The following HOXB3 variants were observed in gnomAD, a reference collection of about 807,000 sequenced individuals.
HOXB3 encodes homeobox B3, also known as homeobox protein Hox-B3.
A neutral mutation model predicts 29.2 loss-of-function variants in HOXB3; 17 were observed. The ratio of observed to expected loss-of-function variants is 0.58; its 90% confidence interval spans 0.40 to 0.87. The LOEUF is 0.87. HOXB3 is among the 40% of genes least tolerant of loss of function. The pLI is 0.00. For synonymous variants in HOXB3, 317 were observed against 285.9 expected, an observed-to-expected ratio of 1.11 and a Z score of -1.10; for missense variants, 637 against 616.3, an observed-to-expected ratio of 1.03 and a Z score of -0.35.
intron 1 of HOXB3, among the ~76,000 whole-genome samples, chr17:48,587,197 A>C (rs2070063691): frequency 6.6e-6 from 1 of 152,066 alleles, no homozygotes; most frequent in South Asian, 2.1e-4. Context: ...AGAAATATCC[A>C]TTCTGCTTAA....
intron 4 of HOXB3, 110 bp downstream of exon 4, chr17:48,551,917 A>T: frequency 1.0e-6 from 1 of 1,000,762 alleles, no homozygotes; most frequent in Non-Finnish European, 1.5e-6. Context: ...CTGGCCACCT[A>T]ATATTGTTCC....
chr17:48,588,644 T>G (rs2070089591), intron 1 of HOXB3, among the ~76,000 whole-genome samples: 1 of 152,186 alleles, frequency 6.6e-6, no homozygotes, highest in Admixed American at 6.5e-5. Context: ...ATATTTTCAG[T>G]GGTGCTGGGG....
intron 1 of HOXB3, chr17:48,579,014 T>C (rs904660952): frequency 5.3e-5 from 8 of 152,192 alleles, no homozygotes; most frequent in African/African-American, 1.7e-4. Flanking sequence ...CAGAGATGAA[T>C]GGAACCGCGG....
intron 2 of HOXB3, among the ~76,000 whole-genome samples, chr17:48,565,001 C>T (rs1292833053): frequency 1.4e-5 from 2 of 140,636 alleles, no homozygotes; most frequent in East Asian, 2.2e-4. Context: ...GGGAAGCATC[C>T]GCTTGTTAAG....
intron 2 of HOXB3, among the ~76,000 whole-genome samples, chr17:48,564,427 C>CCGCCCA (rs1032147434): frequency 6.6e-6 from 1 of 151,880 alleles, no homozygotes; most frequent in Non-Finnish European, 1.5e-5. Context: ...CGCCCCCACC[C>CCGCCCA]CGCCCCCGCC....
In HOXB3 at chr17:48,583,801, T is replaced by A. The variant is rs552693892; in HGVS notation, c.-425+6324A>T. 2.0e-5 allele frequency among the ~76,000 whole-genome samples: 3 copies of A among 152,350 alleles called. No homozygotes were observed. The South Asian group carries it at 6.2e-4, about 32-fold the overall frequency. ...CAGGAATTCCTTCCTGGCCTGACAC[T>A]GCAGAGAAACTCACCTAAGGACTAA... On this transcript the variant is annotated intron_variant, in intron 1 of 4. Transcript: ENST00000498678.
Position 48,550,551 on chromosome 17 carries a change from T to G in HOXB3, c.1079A>C (p.Asp360Ala). 1 of 1,520,036 alleles carries G rather than the reference T, an allele frequency of 6.6e-7. No individual in the cohort carries two copies. Among genetic ancestry groups the G allele is most frequent in the Non-Finnish European group, 8.7e-7 (1 of 1,145,688 alleles). The allele number at this position is 1,520,036 out of a possible 1,614,324, so 94.2% of individuals were successfully genotyped here. Residue 360 changes from aspartate to alanine, a missense_variant, in exon 5 of 5, where the codon GAT becomes GCT. Physicochemically the swap from Asp to Ala is moderately radical, Grantham distance 126. Coordinates refer to ENST00000498678, the MANE Select transcript of HOXB3 (RefSeq NM_001384749.1). ...GGGGCCGGCAGGGGGCGGCAGCGGA[T>G]CCGCGTAGCCGCCCCCGCCCACGTA... ...PVYVGGGGYA[D>A]PLPPPAGPSL...
rs1340147535 is a variant in HOXB3, at chr17:48,552,581, C to CA, written c.-108_-107insT. On this transcript the variant is annotated 5_prime_UTR_variant, in exon 4 of 5. The change creates a premature stop within an existing upstream ORF in the 5' untranslated region. Coordinates refer to ENST00000498678, the MANE Select transcript of HOXB3 (RefSeq NM_001384749.1). ...CACGTGACACGCCGGACCCCCCCCC[C>CA]CCACCTCCCCTCTCTGCCCCCCTCC... is the stretch of plus-strand genomic sequence containing the variant. 3 of 771,952 alleles carry CA rather than the reference C, an allele frequency of 3.9e-6. No homozygotes were observed. Among genetic ancestry groups the CA allele is most frequent in the East Asian group, 5.7e-5 (2 of 34,808 alleles). The allele number at this position is 771,952 out of a possible 1,614,324, so 47.8% of individuals were successfully genotyped here. A position where few individuals can be genotyped will look rare whatever the true frequency, so the allele number is the denominator to read the frequency against.
At chr17:48,561,183 AACAC>A (rs530713063) in intron 2 of HOXB3, among the ~76,000 whole-genome samples, 6,692 of 125,408 alleles carry the variant, frequency 0.053, 188 homozygotes, top group South Asian at 0.094. Context: ...TCCGTCTCAA[AACAC>A]ACACACACAC....
At position 48,554,826 on chromosome 17, in the gene HOXB3, G is replaced by A. The variant is rs928353088; in HGVS notation, c.-159+705C>T. 6 of 702,250 alleles carry A rather than the reference G, an allele frequency of 8.5e-6. No individual in the cohort carries two copies. The African/African-American group carries it at 1.0e-4, about 12-fold the overall frequency. 43.5% of individuals were successfully genotyped at this position (702,250 alleles called of 1,614,324 possible). On this transcript the variant is annotated intron_variant, in intron 3 of 4. Transcript: ENST00000498678. The surrounding 1 kb of genome is among the most constrained non-coding windows in gnomAD (Gnocchi z 4.1). ...ACTTTGCTCAGCAGGGCTCCGGGTT[G>A]GAGGGCGCCGAGGCCTGGCGGACGG... is the stretch of plus-strand genomic sequence containing the variant.
At position 48,551,038 on chromosome 17, in the gene HOXB3, C is replaced by T; in HGVS notation, c.592G>A (p.Ala198Thr). ...SKRARTAYTS[A>T]QLVELEKEFH... is the part of the protein sequence containing the mutation. The stretch of plus-strand genomic sequence containing the variant: ...TCCTTCTCCAGCTCCACCAGCTGCG[C>T]GCTCGTGTACGCCGTCCGCGCCCGC... The change falls in exon 5 of 5, where the codon GCG (alanine) becomes ACG (threonine). Residue 198 changes from alanine to threonine, a missense_variant. Physicochemically the swap from Ala to Thr is moderately conservative, Grantham distance 58. Transcript: ENST00000498678. 6.2e-7 allele frequency: 1 copy of T among 1,607,726 alleles called. No individual in the cohort carries two copies. The highest frequency in any genetic ancestry group is 8.5e-7 in the Non-Finnish European group (1 of 1,175,850).
chr17:48,580,898 G>A (rs1422816984), intron 1 of HOXB3: 2 of 152,180 alleles, frequency 1.3e-5, no homozygotes, highest in African/African-American at 4.8e-5. Context: ...CAGAAGCCGT[G>A]AATTTACTAA....
At chr17:48,574,853 C>T (rs899766324) in intron 1 of HOXB3, among the ~76,000 whole-genome samples, 32 of 152,202 alleles carry the variant, frequency 2.1e-4, no homozygotes, top group African/African-American at 7.5e-4. Flanking sequence ...AAAATTAATA[C>T]TGGAGCAAGG....
Position 48,550,553 on chromosome 17 carries a change from C to A in HOXB3, c.1077G>T (p.Ala359=). The A allele has an allele frequency of 6.6e-7, 1 of 1,523,196 alleles. No homozygotes were observed. Among genetic ancestry groups the A allele is most frequent in the South Asian group, 1.3e-5 (1 of 75,782 alleles). The allele number at this position is 1,523,196 out of a possible 1,614,324, so 94.4% of individuals were successfully genotyped here. Residue 359 remains alanine (A), a synonymous_variant, in exon 5 of 5, where the codon GCG becomes GCT. Coordinates refer to ENST00000498678, the MANE Select transcript of HOXB3 (RefSeq NM_001384749.1). The part of the protein sequence containing the change: ...SPVYVGGGGY[A]DPLPPPAGPS... Reference sequence around the variant, plus strand: ...GGCCGGCAGGGGGCGGCAGCGGATCCGCGTAGCCGCCCCCGCCCACGTACA... The same window carrying A: ...GGCCGGCAGGGGGCGGCAGCGGATCAGCGTAGCCGCCCCCGCCCACGTACA...
At chr17:48,557,644 G>A in intron 2 of HOXB3, among the ~76,000 whole-genome samples, 1 of 152,194 alleles carries the variant, frequency 6.6e-6, no homozygotes, top group Non-Finnish European at 1.5e-5. Context: ...AATGTCCTGA[G>A]GACCCCACCT....
intron 4 of HOXB3, among the ~76,000 whole-genome samples, 157 bp downstream of exon 4, chr17:48,551,870 G>A (rs890432): frequency 0.61 from 93,111 of 151,958 alleles, 29,899 homozygotes; most frequent in East Asian, 0.8. Flanking sequence ...GCGGGGTCAG[G>A]GGTCATTAGG....
intron 1 of HOXB3, among the ~76,000 whole-genome samples, chr17:48,588,093 G>C (rs1055748192): frequency 5.3e-5 from 8 of 152,212 alleles, no homozygotes; most frequent in African/African-American, 1.4e-4. Context: ...AGGAGGAGAG[G>C]ACAGAGGTCT....
chr17:48,551,397 C>T (rs1377479114), intron 4 of HOXB3: 1 of 422,490 alleles, frequency 2.4e-6, no homozygotes, highest in Non-Finnish European at 3.7e-6. Flanking sequence ...TATTAAGAGA[C>T]CTGTTCTCCT....
chr17:48,555,401 T>C (rs1308110885), intron 3 of HOXB3, 130 bp downstream of exon 3: 1 of 527,024 alleles, frequency 1.9e-6, no homozygotes, highest in South Asian at 2.3e-5. Context: ...AGAGAGAGAG[T>C]CGCTGCGTGG....
Sources: gnomAD v4.1 joint callset for allele counts (sites outside exome capture counted in the v4.1 genomes callset) on GRCh38, gnomAD v4.1.1 for gene constraint, Gnocchi (gnomAD v3.1) non-coding constraint, MANE v1.5 for transcripts, NCBI Gene and HGNC (gene_info 2026-07-23, HGNC 2026-07-21) for gene names.